The following DYSF variants were observed in gnomAD, a reference collection of about 807,000 sequenced individuals.
The protein encoded by DYSF is dysferlin.
In DYSF, 212 loss-of-function variants were observed where a neutral mutation model predicts 274.9. The observed-to-expected ratio is 0.77, with a 90% CI of 0.69 to 0.86. The LOEUF (loss-of-function observed/expected upper bound fraction) is 0.86. DYSF is among the 40% of genes least tolerant of loss of function. The probability of loss-of-function intolerance (pLI) is 0.00; values close to 1 mark genes in which losing one functional copy is unlikely to be tolerated. For missense variants in DYSF, 2,666 were observed against 2,783.2 expected (o/e 0.96, Z 0.95); for synonymous variants, 1,091 against 1,078.7 (o/e 1.01, Z -0.22).
intron 17 of DYSF, among the ~76,000 whole-genome samples, chr2:71,541,092 T>A (rs552366694): frequency 1.3e-5 from 2 of 152,222 alleles, no homozygotes; most frequent in Admixed American, 1.3e-4. Flanking sequence ...TCAATTGGTA[T>A]GTCTGCTTAT....
At position 71,598,547 on chromosome 2, in the gene DYSF, C is replaced by A. The variant is rs13421969; in HGVS notation, c.3575-17C>A. The A allele has an allele frequency of 1.3e-5, 21 of 1,613,996 alleles. No individual in the cohort carries two copies. Among genetic ancestry groups the A allele is most frequent in the African/African-American group, 2.7e-5 (2 of 74,942 alleles). On this transcript the variant is annotated splice_polypyrimidine_tract_variant and intron_variant, in intron 32 of 55. Transcript: ENST00000410020. ...CTGCTGTGTCCTGTCTCCCCTCCCC[C>A]TCTCCGGCCCATGCAGATCCCTATG...
chr2:71,620,750 CTT>C (rs1225353960), intron 41 of DYSF, 141 bp downstream of exon 41: 2 of 851,012 alleles, frequency 2.4e-6, no homozygotes, highest in Non-Finnish European at 3.7e-6. Context: ...AGTCACCTAT[CTT>C]TGCCTCACTG....
intron 1 of DYSF, among the ~76,000 whole-genome samples, chr2:71,474,208 G>A (rs903135705): frequency 2.0e-5 from 3 of 152,180 alleles, no homozygotes; most frequent in African/African-American, 7.2e-5. Context: ...TTACAGGCGT[G>A]AGCAACCATG....
rs1394773597 is a variant in DYSF at position 71,664,342 on chromosome 2, C to T, written c.5078C>T (p.Ser1693Phe). Residue 1693 changes from serine to phenylalanine, a missense_variant, in exon 46 of 56, where the codon TCC becomes TTC. Physicochemically the swap from Ser to Phe is radical, Grantham distance 155. Coordinates refer to ENST00000410020, the MANE Select transcript of DYSF (RefSeq NM_001130987.2). ...ACTCTCTATGACTATGACCTCCTCT[C>T]CAAGGACGAAAAGATCGGTGAGACG... ...KITLYDYDLLSKDEKIGETVV... is the reference protein window; with the variant it reads ...KITLYDYDLLFKDEKIGETVV... 6.2e-7 allele frequency: 1 copy of T among 1,614,178 alleles called. No homozygotes were observed. Among genetic ancestry groups the T allele is most frequent in the East Asian group, 2.2e-5 (1 of 44,882 alleles).
intron 1 of DYSF, among the ~76,000 whole-genome samples, chr2:71,478,375 C>G (rs943107263): frequency 1.5e-4 from 23 of 151,948 alleles, no homozygotes; most frequent in Non-Finnish European, 3.1e-4. Flanking sequence ...CCATGCCCGG[C>G]TAATTTTTTG....
chr2:71,487,426 C>T (rs1047158382), intron 3 of DYSF, among the ~76,000 whole-genome samples: 3 of 152,086 alleles, frequency 2.0e-5, no homozygotes, highest in African/African-American at 7.2e-5. Flanking sequence ...CAGGAGTCAG[C>T]ACTTTTGGAA....
rs550183287 is a variant in DYSF at position 71,531,852 on chromosome 2, G to A, written c.1381-3169G>A. On this transcript the variant is annotated intron_variant, in intron 14 of 55. Coordinates refer to ENST00000410020, the MANE Select transcript of DYSF (RefSeq NM_001130987.2). ...AGTTCAATGCTGATGACTCAGCAATGTATATTAAAAAGTAAGGTGTCCTTC... is the reference window on the plus strand; with the variant it reads ...AGTTCAATGCTGATGACTCAGCAATATATATTAAAAAGTAAGGTGTCCTTC... Among the ~76,000 whole-genome samples the A allele has an allele frequency of 2.0e-5, 3 of 152,210 alleles. No individual in the cohort carries two copies. In the East Asian group the frequency reaches 5.8e-4, roughly 30 times the overall value.
At chr2:71,454,650 C>A (rs1046030399) in intron 1 of DYSF, among the ~76,000 whole-genome samples, 6 of 152,170 alleles carry the variant, frequency 3.9e-5, no homozygotes, top group Non-Finnish European at 8.8e-5. Flanking sequence ...ACAGCACCAA[C>A]CTTTACAGAC....
chr2:71,559,828 G>A (rs1019372447), intron 22 of DYSF, among the ~76,000 whole-genome samples: 8 of 152,242 alleles, frequency 5.3e-5, no homozygotes, highest in African/African-American at 1.9e-4. Context: ...GCAGGGCCAG[G>A]TCTCATCTCT....
In DYSF at chr2:71,551,075, G is replaced by C. The variant is rs758182951; in HGVS notation, c.1611G>C (p.Gly537=). The change falls in exon 18 of 56, where the codon GGG becomes GGC. Residue 537 remains glycine (G), a synonymous_variant. Transcript: ENST00000410020. ...DDYLGFLPTF[G]PCYINLYGSP... ...ACCTGGGCTTCCTCCCCACTTTTGG[G>C]CCCTGCTACATCAACCTCTATGGCA... The C allele has an allele frequency of 6.2e-7, 1 of 1,614,116 alleles. No homozygotes were observed.
chr2:71,525,477 G>A (rs1220015140), intron 12 of DYSF, among the ~76,000 whole-genome samples: 1 of 152,146 alleles, frequency 6.6e-6, no homozygotes, highest in Non-Finnish European at 1.5e-5. Flanking sequence ...GCCTGCCTCG[G>A]CCTCCCAGAG....
intron 52 of DYSF, among the ~76,000 whole-genome samples, chr2:71,678,358 TA>T (rs1240737152): frequency 6.6e-6 from 1 of 151,928 alleles, no homozygotes; most frequent in Non-Finnish European, 1.5e-5. Context: ...AAATACAGAT[TA>T]AAAAAACACT....
intron 42 of DYSF, among the ~76,000 whole-genome samples, chr2:71,653,192 A>G (rs1477580729): frequency 6.6e-6 from 1 of 152,192 alleles, no homozygotes; most frequent in Non-Finnish European, 1.5e-5. Flanking sequence ...AGAAATAGGA[A>G]CACTTTTACA....
chr2:71,669,477 A>T lies in DYSF; in HGVS notation c.5643-128A>T, dbSNP rs115043399. On this transcript the variant is annotated intron_variant, in intron 50 of 55. Transcript: ENST00000410020. ...ATGGCACATTTTGTACATCGTGCCGATTTCCTGGGAATTCTTTTTGCGATA... is the reference window on the plus strand; with the variant it reads ...ATGGCACATTTTGTACATCGTGCCGTTTTCCTGGGAATTCTTTTTGCGATA... 701 of 1,242,096 alleles carry T rather than the reference A, an allele frequency of 5.6e-4. 2 individuals carry two copies. The African/African-American group carries it at 9.6e-3, about 17-fold the overall frequency. 76.9% of individuals were successfully genotyped at this position (1,242,096 alleles called of 1,614,324 possible).
At position 71,526,314 on chromosome 2, in the gene DYSF, T is replaced by A; in HGVS notation, c.1244T>A (p.Leu415Gln). The change falls in exon 13 of 56, where the codon CTG (leucine) becomes CAG (glutamine). Residue 415 changes from leucine to glutamine, a missense_variant. This residue lies in a region of DYSF where 794 missense variants were observed against 777.1 expected (regional missense o/e 1.02). Transcript: ENST00000410020. ...GVALRGAHFC[L>Q]KVFRAEDLPQ... ...GCCCTGCGAGGAGCCCACTTCTGCC[T>A]GAAGGTCTTCCGGGCCGAGGACTTG... The A allele has an allele frequency of 6.2e-7, 1 of 1,613,540 alleles. No homozygotes were observed. The highest frequency in any genetic ancestry group is 8.5e-7 in the Non-Finnish European group (1 of 1,179,956).
chr2:71,645,804 A>G (rs2094559093), intron 42 of DYSF, among the ~76,000 whole-genome samples: 1 of 152,056 alleles, frequency 6.6e-6, no homozygotes, highest in African/African-American at 2.4e-5. Flanking sequence ...CTACTTCTGG[A>G]TTATAAATGG....
chr2:71,472,173 AG>A (rs1201946429), intron 1 of DYSF, among the ~76,000 whole-genome samples: 1 of 152,182 alleles, frequency 6.6e-6, no homozygotes, highest in Non-Finnish European at 1.5e-5. Flanking sequence ...AGTCACTGTG[AG>A]GCATATTCTG....
chr2:71,473,916 T>C (rs963786974), intron 1 of DYSF, among the ~76,000 whole-genome samples: 2 of 135,048 alleles, frequency 1.5e-5, no homozygotes, highest in Non-Finnish European at 3.1e-5. Context: ...ACTTTCTGTA[T>C]GATTTTTTTT....
chr2:71,639,646 C>T (rs979614101), intron 41 of DYSF, among the ~76,000 whole-genome samples: 1 of 152,156 alleles, frequency 6.6e-6, no homozygotes, highest in African/African-American at 2.4e-5. Flanking sequence ...CAAACAGTTC[C>T]TTATTGTTGG....
Sources: gnomAD v4.1 joint callset for allele counts (sites outside exome capture counted in the v4.1 genomes callset) on GRCh38, gnomAD v4.1.1 for gene constraint, gnomAD v4.1.1 regional missense constraint, MANE v1.5 for transcripts, NCBI Gene and HGNC (gene_info 2026-07-23, HGNC 2026-07-21) for gene names.